The following GLRA2 variants were observed in gnomAD, a reference collection of about 807,000 sequenced individuals.
GLRA2 encodes glycine receptor subunit alpha-2.
Under a neutral mutation model 31.6 loss-of-function variants are expected in GLRA2, and 11 were observed. That is an observed-to-expected ratio of 0.35 (90% CI 0.22 to 0.58). The LOEUF (loss-of-function observed/expected upper bound fraction) is 0.58, where lower values mean the gene tolerates loss of function less well. GLRA2 is among the 20% of genes least tolerant of loss of function. The pLI is 0.84. For missense variants in GLRA2, 212 were observed against 351.8 expected, an observed-to-expected ratio of 0.60 and a Z score of 3.18; for synonymous variants, 132 against 134.0, an observed-to-expected ratio of 0.99 and a Z score of 0.10.
chrX:14,554,705 G>A (rs1791140546), intron 2 of GLRA2, among the ~76,000 whole-genome samples: 1 of 111,496 alleles, frequency 9.0e-6, no homozygotes, highest in Non-Finnish European at 1.9e-5. Flanking sequence ...GAGGGAACCA[G>A]GCAGATGGTA....
At chrX:14,564,679 C>A (rs764472419) in intron 2 of GLRA2, among the ~76,000 whole-genome samples, 1 of 111,720 alleles carries the variant, frequency 9.0e-6, no homozygotes, top group Non-Finnish European at 1.9e-5. Context: ...AAGATATAAT[C>A]TGCAACAACA....
chrX:14,646,409 A>G, intron 7 of GLRA2, among the ~76,000 whole-genome samples: 1 of 112,369 alleles, frequency 8.9e-6, no homozygotes, highest in Non-Finnish European at 1.9e-5. Flanking sequence ...TAATTTAATC[A>G]AACAACAAAT....
the GLRA2 span, among the ~76,000 whole-genome samples, chrX:14,497,273 G>T: frequency 2.7e-5 from 3 of 111,880 alleles, no homozygotes; most frequent in Non-Finnish European, 5.6e-5. Flanking sequence ...GATAACCAGG[G>T]CAACTTGATG....
At chrX:14,644,004 ATAAGAAACTGT>A (rs1341015444) in intron 7 of GLRA2, among the ~76,000 whole-genome samples, 1 of 111,604 alleles carries the variant, frequency 9.0e-6, no homozygotes, top group Non-Finnish European at 1.9e-5. Flanking sequence ...CAGAGCTAAA[ATAAGAAACTGT>A]TGAGAGAGAA....
At chrX:14,462,802 C>T in the GLRA2 span, among the ~76,000 whole-genome samples, 39 of 111,689 alleles carry the variant, frequency 3.5e-4, 1 homozygote, top group East Asian at 9.3e-3. Context: ...GCTCCTTTAG[C>T]TCAGAGAAGT....
chrX:14,647,686 A>C (rs1367950323), intron 7 of GLRA2, among the ~76,000 whole-genome samples: 1 of 112,510 alleles, frequency 8.9e-6, no homozygotes, highest in Admixed American at 9.4e-5. Flanking sequence ...TAGATGAAGA[A>C]GCATTCACAT....
chrX:14,670,898 A>T (rs1479646524), intron 7 of GLRA2, among the ~76,000 whole-genome samples: 2 of 111,898 alleles, frequency 1.8e-5, no homozygotes, highest in African/African-American at 6.5e-5. Context: ...CAGATTATTT[A>T]TATAACATTT....
At chrX:14,449,695 T>A in the GLRA2 span, among the ~76,000 whole-genome samples, 1 of 112,295 alleles carries the variant, frequency 8.9e-6, no homozygotes, top group Admixed American at 9.4e-5. Flanking sequence ...GCCTGCAGCC[T>A]GGGAGCAGTT....
the GLRA2 span, among the ~76,000 whole-genome samples, chrX:14,460,897 C>T: frequency 2.7e-5 from 3 of 110,523 alleles, no homozygotes; most frequent in African/African-American, 9.9e-5. Context: ...TTGTCTTCTG[C>T]TAGCTTTTGA....
rs148379157 is a variant in GLRA2 at position 14,685,373 on chromosome X, A to G, written c.931-5337A>G. On this transcript the variant is annotated intron_variant, in intron 7 of 8. Coordinates refer to ENST00000218075, the MANE Select transcript of GLRA2 (RefSeq NM_002063.4). Reference sequence around the variant, plus strand: ...ATTCCCTCTTTTTCTATTGATGGCAATAGTTTCAGAAAGAATGGTACCATC... The same window carrying G: ...ATTCCCTCTTTTTCTATTGATGGCAGTAGTTTCAGAAAGAATGGTACCATC... Among the ~76,000 whole-genome samples, 517 of 111,911 alleles carry G rather than the reference A, an allele frequency of 4.6e-3. 7 individuals are homozygous for G. The highest frequency in any genetic ancestry group is 0.016 in the African/African-American group (494 of 30,826).
intron 7 of GLRA2, among the ~76,000 whole-genome samples, chrX:14,627,951 A>G (rs182232851): frequency 1.8e-5 from 2 of 111,886 alleles, no homozygotes; most frequent in African/African-American, 6.5e-5. Flanking sequence ...TGTAGAAAGT[A>G]TGCTGGACAA....
chrX:14,607,074 CT>C, intron 5 of GLRA2, 56 bp from the exon 6 acceptor site: 2 of 919,344 alleles, frequency 2.2e-6, no homozygotes, highest in Non-Finnish European at 3.1e-6. Flanking sequence ...CATGGGTAGA[CT>C]TTCAAGCTTT....
At chrX:14,459,667 C>G in the GLRA2 span, among the ~76,000 whole-genome samples, 2 of 111,639 alleles carry the variant, frequency 1.8e-5, no homozygotes, top group Non-Finnish European at 3.8e-5. Flanking sequence ...TGATTTGGCT[C>G]TCTGTTTGTC....
chrX:14,623,880 G>A (rs6638165), intron 7 of GLRA2, among the ~76,000 whole-genome samples: 1 of 111,832 alleles, frequency 8.9e-6, no homozygotes. Flanking sequence ...AGTTAGAGAG[G>A]ATTCCCTCTT....
chrX:14,481,012 T>C, the GLRA2 span, among the ~76,000 whole-genome samples: 2 of 111,443 alleles, frequency 1.8e-5, no homozygotes, highest in East Asian at 5.6e-4. Context: ...CCATGAGCAT[T>C]GAATGTTTTT....
chrX:14,716,860 T>A (rs2091793900), intron 8 of GLRA2, among the ~76,000 whole-genome samples: 1 of 111,423 alleles, frequency 9.0e-6, no homozygotes, highest in African/African-American at 3.3e-5. Context: ...TTTTTCAGAA[T>A]AGGAGAATCA....
At chrX:14,601,339 G>C (rs1402329649) in intron 4 of GLRA2, among the ~76,000 whole-genome samples, 1 of 111,338 alleles carries the variant, frequency 9.0e-6, no homozygotes, top group Non-Finnish European at 1.9e-5. Context: ...GTAGGTTTGT[G>C]GCAAATTTTT....
chrX:14,517,779 A>G, the GLRA2 span, among the ~76,000 whole-genome samples: 1 of 111,572 alleles, frequency 9.0e-6, no homozygotes, highest in East Asian at 2.8e-4. Flanking sequence ...TAAAAACCAT[A>G]AGGAAAAAGA....
chrX:14,646,505 G>A (rs2090834163), intron 7 of GLRA2, among the ~76,000 whole-genome samples: 1 of 112,330 alleles, frequency 8.9e-6, no homozygotes. Flanking sequence ...CAGAAAGGAC[G>A]TATGGCAGAA....
Sources: gnomAD v4.1 joint callset for allele counts (sites outside exome capture counted in the v4.1 genomes callset) on GRCh38, gnomAD v4.1.1 for gene constraint, MANE v1.5 for transcripts, NCBI Gene and HGNC (gene_info 2026-07-23, HGNC 2026-07-21) for gene names.